The following ABCG8 variants were observed in gnomAD, a reference collection of about 807,000 sequenced individuals.
ABCG8 encodes the protein ATP binding cassette subfamily G member 8.
In ABCG8, 81 loss-of-function variants were observed where a neutral mutation model predicts 71.3. The ratio of observed to expected loss-of-function variants is 1.14; its 90% CI spans 0.95 to 1.37. The LOEUF (loss-of-function observed/expected upper bound fraction) is 1.37. Ranked by LOEUF, ABCG8 falls within the 40% of genes most tolerant of loss-of-function variation. The pLI, the probability that ABCG8 is intolerant of heterozygous loss-of-function variation, is 0.00. For synonymous variants in ABCG8, 451 were observed against 354.7 expected (o/e 1.27, Z -3.05); for missense variants, 1,119 against 866.2 (o/e 1.29, Z -3.66).
In ABCG8 at chr2:43,856,826, C is replaced by A. The variant is rs375270814; in HGVS notation, c.964+3958C>A. Among the ~76,000 whole-genome samples, 155 of 151,446 alleles carry A rather than the reference C, an allele frequency of 1.0e-3. 3 individuals are homozygous for A. The South Asian group carries it at 0.019, about 18-fold the overall frequency. ...TAGAATTCTCACCCTCTGGATAGAA[C>A]GCTCACTATCTATCTGGATAGAATT... On this transcript the variant is annotated intron_variant, in intron 6 of 12. Coordinates refer to ENST00000272286, the MANE Select transcript of ABCG8 (RefSeq NM_022437.3).
chr2:43,877,991 C>A lies in ABCG8; in HGVS notation c.*78C>A. On this transcript the variant is annotated 3_prime_UTR_variant, in exon 13 of 13. Transcript: ENST00000272286. ...GCACTCCCTCCTCAGGAGCCCCTTC[C>A]TGGGGACAGTGAGGACAATGACCCT... The A allele has an allele frequency of 6.2e-7, 1 of 1,604,220 alleles. No homozygotes were observed. Among genetic ancestry groups the A allele is most frequent in the Admixed American group, 1.7e-5 (1 of 59,406 alleles).
intron 6 of ABCG8, among the ~76,000 whole-genome samples, chr2:43,862,358 G>A (rs797001750): frequency 4.9e-3 from 666 of 135,384 alleles, no homozygotes; most frequent in South Asian, 0.011. Flanking sequence ...AAGTCTTACT[G>A]TGTATCTGGA....
At position 43,844,591 on chromosome 2, in the gene ABCG8, A is replaced by G; in HGVS notation, c.148A>G (p.Arg50Gly). 1 of 1,613,698 alleles carries G rather than the reference A, an allele frequency of 6.2e-7. No individual in the cohort carries two copies. The change falls in exon 2 of 13, where the codon AGA becomes GGA. Residue 50 changes from arginine (R) to glycine (G), a missense_variant. By Grantham distance (125) the Arg-to-Gly change is moderately radical. Transcript: ENST00000272286. ...YSGQPNTLEV[R>G]DLNYQVDLAS... ...TGGCCAGCCCAACACCCTGGAGGTC[A>G]GAGACCTCAACTACCAGGTAGAGGC...
At chr2:43,869,669 A>G (rs1006356676) in intron 6 of ABCG8, among the ~76,000 whole-genome samples, 3 of 151,966 alleles carry the variant, frequency 2.0e-5, no homozygotes, top group East Asian at 1.9e-4. Context: ...TTCTCTATCT[A>G]TCTGGATAGA....
intron 3 of ABCG8, among the ~76,000 whole-genome samples, chr2:43,849,966 G>A (rs1441596760): frequency 1.3e-5 from 2 of 152,192 alleles, no homozygotes; most frequent in African/African-American, 2.4e-5. Context: ...TTGGGAGGCC[G>A]AGGCAGGCGG....
chr2:43,850,090 G>A (rs1668867192), intron 3 of ABCG8, among the ~76,000 whole-genome samples: 1 of 152,086 alleles, frequency 6.6e-6, no homozygotes, highest in Non-Finnish European at 1.5e-5. Context: ...CAGGCATGGT[G>A]GCAGGTGCCT....
At chr2:43,850,494 G>T (rs537706238) in intron 3 of ABCG8, among the ~76,000 whole-genome samples, 1 of 152,282 alleles carries the variant, frequency 6.6e-6, no homozygotes, top group East Asian at 1.9e-4. Flanking sequence ...GCACAAGTAG[G>T]TTTGTTATAT....
At chr2:43,857,690 C>T (rs1669161768) in intron 6 of ABCG8, among the ~76,000 whole-genome samples, 1 of 151,654 alleles carries the variant, frequency 6.6e-6, no homozygotes, top group South Asian at 2.1e-4. Context: ...CACTATCTTT[C>T]AGGATAGAAC....
chr2:43,875,226 A>G lies in ABCG8; in HGVS notation c.1569A>G (p.Pro523=), dbSNP rs575386215. 435 of 1,614,220 alleles carry G rather than the reference A, an allele frequency of 2.7e-4. 3 individuals are homozygous for G. In the South Asian group the frequency reaches 4.5e-3, roughly 17 times the overall value. ...CCTACTGGCTGGCCAACCTGAGGCC[A>G]GGCCTCCAGCCCTTCCTGCTGCACT... is the stretch of plus-strand genomic sequence containing the variant. ...MPTYWLANLR[P]GLQPFLLHFL... The change falls in exon 11 of 13, where the codon CCA becomes CCG. Residue 523 remains proline (P), a synonymous_variant. Coordinates refer to ENST00000272286, the MANE Select transcript of ABCG8 (RefSeq NM_022437.3).
chr2:43,871,490 C>G (rs115261949), intron 6 of ABCG8, among the ~76,000 whole-genome samples: 5,381 of 152,308 alleles, frequency 0.035, 322 homozygotes, highest in African/African-American at 0.12. Flanking sequence ...AATTCTCACT[C>G]TCTGGATGGA....
chr2:43,855,504 A>G (rs75142021), intron 6 of ABCG8, among the ~76,000 whole-genome samples: 2 of 151,768 alleles, frequency 1.3e-5, no homozygotes, highest in African/African-American at 4.8e-5. Context: ...AACTCCCACT[A>G]TCTGGAAAGA....
chr2:43,858,042 C>T (rs1669174012), intron 6 of ABCG8, among the ~76,000 whole-genome samples: 1 of 151,668 alleles, frequency 6.6e-6, no homozygotes, highest in Non-Finnish European at 1.5e-5. Context: ...GGATAGAATT[C>T]TTACCATCTG....
intron 6 of ABCG8, among the ~76,000 whole-genome samples, chr2:43,857,058 G>A (rs1223860927): frequency 2.6e-5 from 4 of 151,340 alleles, no homozygotes; most frequent in African/African-American, 9.7e-5. Flanking sequence ...TAACTGTCTG[G>A]ATAGAATTCT....
At chr2:43,864,811 ACTAT>A (rs1395573098) in intron 6 of ABCG8, among the ~76,000 whole-genome samples, 2 of 142,796 alleles carry the variant, frequency 1.4e-5, no homozygotes, top group Non-Finnish European at 3.1e-5. Flanking sequence ...TAAAACTCTC[ACTAT>A]CTATCTAGAT....
intron 6 of ABCG8, among the ~76,000 whole-genome samples, chr2:43,866,474 A>T (rs1182549399): frequency 1.3e-5 from 2 of 152,128 alleles, no homozygotes; most frequent in African/African-American, 4.8e-5. Context: ...TCCAGAATCT[A>T]CAATGAAGTC....
intron 6 of ABCG8, among the ~76,000 whole-genome samples, chr2:43,858,823 ACTAT>A (rs1382384321): frequency 2.0e-5 from 3 of 149,754 alleles, no homozygotes; most frequent in Admixed American, 1.3e-4. Flanking sequence ...TAGAACTCTC[ACTAT>A]CTATCTGGAT....
Position 43,878,048 on chromosome 2 carries a change from C to A in ABCG8, c.*135C>A. 1 of 1,329,966 alleles carries A rather than the reference C, an allele frequency of 7.5e-7. No individual in the cohort carries two copies. The highest frequency in any genetic ancestry group is 1.1e-6 in the Non-Finnish European group (1 of 950,560). The allele number at this position is 1,329,966 out of a possible 1,614,324, so 82.4% of individuals were successfully genotyped here. On this transcript the variant is annotated 3_prime_UTR_variant, in exon 13 of 13. Coordinates refer to ENST00000272286, the MANE Select transcript of ABCG8 (RefSeq NM_022437.3). The stretch of plus-strand genomic sequence containing the variant: ...GCTCAGCTACATCCGGCCCAGGGTG[C>A]TGCAGTGGCACAGACCAGCCACAGG...
intron 8 of ABCG8, among the ~76,000 whole-genome samples, 181 bp from the exon 9 acceptor site, chr2:43,873,606 C>A (rs1486356749): frequency 6.6e-6 from 1 of 152,174 alleles, no homozygotes; most frequent in Non-Finnish European, 1.5e-5. Flanking sequence ...TGAGTACCTA[C>A]TGTGGGACAG....
At chr2:43,851,449 C>A in intron 3 of ABCG8, 135 bp from the exon 4 acceptor site, 1 of 985,344 alleles carries the variant, frequency 1.0e-6, no homozygotes, top group South Asian at 1.4e-5. Context: ...AGGGACTATG[C>A]CACCTCTCTA....
Sources: gnomAD v4.1 joint callset for allele counts (sites outside exome capture counted in the v4.1 genomes callset) on GRCh38, gnomAD v4.1.1 for gene constraint, MANE v1.5 for transcripts, NCBI Gene and HGNC (gene_info 2026-07-23, HGNC 2026-07-21) for gene names.